Variants in PIBF1 observed in about 807,000 individuals in gnomAD.
PIBF1 encodes progesterone immunomodulatory binding factor 1.
Under a neutral mutation model 112.5 loss-of-function variants are expected in PIBF1, and 90 were observed. The ratio of observed to expected loss-of-function variants is 0.80; its 90% CI spans 0.67 to 0.95. PIBF1 has a LOEUF of 0.95. Ranked by LOEUF, PIBF1 falls within the 40% of genes least tolerant of loss-of-function variation. The pLI is 0.00. For synonymous variants in PIBF1, 301 were observed against 288.6 expected, an observed-to-expected ratio of 1.04 and a Z score of -0.44; for missense variants, 915 against 852.3, an observed-to-expected ratio of 1.07 and a Z score of -0.92.
chr13:72,867,747 A>G (rs2038986743), intron 10 of PIBF1, among the ~76,000 whole-genome samples: 1 of 152,220 alleles, frequency 6.6e-6, no homozygotes, highest in Non-Finnish European at 1.5e-5. Flanking sequence ...ACTCCAAGGT[A>G]GTGTGTTTTC....
chr13:72,788,886 A>C (rs1241267133), intron 2 of PIBF1, among the ~76,000 whole-genome samples: 2 of 152,224 alleles, frequency 1.3e-5, no homozygotes, highest in Non-Finnish European at 2.9e-5. Flanking sequence ...TGGCACCAAT[A>C]CAAATGGTTA....
In PIBF1 at chr13:72,850,317, TA is replaced by T. The variant is rs2038076365; in HGVS notation, c.1224-3734del. Among the ~76,000 whole-genome samples the T allele has an allele frequency of 2.0e-5, 3 of 152,206 alleles. No individual in the cohort carries two copies. The South Asian group carries it at 6.2e-4, about 32-fold the overall frequency. On this transcript the variant is annotated intron_variant, in intron 9 of 17. Transcript: ENST00000326291. ...CAAGACCCAACTTACATGTCACTTT[TA>T]AAAAATGTTTCACTTTATTCACCTA...
chr13:72,844,785 A>G (rs889489666), intron 9 of PIBF1, among the ~76,000 whole-genome samples: 15 of 125,092 alleles, frequency 1.2e-4, no homozygotes, highest in African/African-American at 3.9e-4. Flanking sequence ...ACACACACAC[A>G]CACACACACA....
chr13:72,973,575 G>A lies in PIBF1; in HGVS notation c.1965-16G>A, dbSNP rs775898759. Reference sequence around the variant, plus strand: ...CTAACATAATGACTTTTTAAAACTGGGGTTTTTTTTTTCAGCAACTTAAAT... The same window carrying A: ...CTAACATAATGACTTTTTAAAACTGAGGTTTTTTTTTTCAGCAACTTAAAT... On this transcript the variant is annotated splice_polypyrimidine_tract_variant and intron_variant, in intron 15 of 17. Coordinates refer to ENST00000326291, the MANE Select transcript of PIBF1 (RefSeq NM_006346.4). The A allele has an allele frequency of 1.4e-6, 2 of 1,380,030 alleles. No individual in the cohort carries two copies. The highest frequency in any genetic ancestry group is 1.0e-6 in the Non-Finnish European group (1 of 996,188). 85.5% of individuals were successfully genotyped at this position (1,380,030 alleles called of 1,614,324 possible). A position where few individuals can be genotyped will look rare whatever the true frequency, so the allele number is the denominator to read the frequency against.
At chr13:73,001,046 C>A (rs1055579484) in intron 17 of PIBF1, among the ~76,000 whole-genome samples, 1 of 152,038 alleles carries the variant, frequency 6.6e-6, no homozygotes, top group Admixed American at 6.6e-5. Context: ...ATACTACAAA[C>A]AAGTCAAATC....
At chr13:72,884,471 G>C (rs915863049) in intron 10 of PIBF1, 3 of 152,104 alleles carry the variant, frequency 2.0e-5, no homozygotes, top group African/African-American at 7.2e-5. Context: ...TCTGCAAGGG[G>C]AGGACATAAG....
At chr13:72,848,403 A>G (rs958057594) in intron 9 of PIBF1, among the ~76,000 whole-genome samples, 2 of 152,186 alleles carry the variant, frequency 1.3e-5, no homozygotes, top group Non-Finnish European at 2.9e-5. Context: ...AATGTTTTAT[A>G]ATGAGGTTTT....
At chr13:73,012,008 A>C (rs2044218286) in intron 17 of PIBF1, among the ~76,000 whole-genome samples, 1 of 151,698 alleles carries the variant, frequency 6.6e-6, no homozygotes, top group South Asian at 2.1e-4. Flanking sequence ...CTAAGAAAGA[A>C]CCCCCCCAAA....
chr13:72,836,433 A>G (rs1410154694), intron 9 of PIBF1, among the ~76,000 whole-genome samples: 1 of 152,182 alleles, frequency 6.6e-6, no homozygotes, highest in Non-Finnish European at 1.5e-5. Context: ...ATATAGTAGC[A>G]GAAAATTTGG....
chr13:72,799,551 T>A (rs2035368874), intron 5 of PIBF1, among the ~76,000 whole-genome samples: 1 of 152,196 alleles, frequency 6.6e-6, no homozygotes, highest in African/African-American at 2.4e-5. Flanking sequence ...TTTGCACATT[T>A]AGAAAGATAG....
intron 5 of PIBF1, among the ~76,000 whole-genome samples, chr13:72,807,178 CAAAAA>C (rs35154761): frequency 7.2e-6 from 1 of 138,510 alleles, no homozygotes; most frequent in Non-Finnish European, 1.5e-5. Context: ...GGATAAGAGC[CAAAAA>C]AAAAAAAGGA....
intron 13 of PIBF1, among the ~76,000 whole-genome samples, chr13:72,920,785 G>GTCTGGGCAACATAGTC (rs2041260221): frequency 6.6e-6 from 1 of 151,320 alleles, no homozygotes; most frequent in Non-Finnish European, 1.5e-5. Context: ...GCAACATAGA[G>GTCTGGGCAACATAGTC]AGACTCCCAT....
At chr13:72,823,590 A>T (rs2138135463) in intron 6 of PIBF1, among the ~76,000 whole-genome samples, 1 of 152,318 alleles carries the variant, frequency 6.6e-6, no homozygotes, top group East Asian at 1.9e-4. Flanking sequence ...GTAAATTCTC[A>T]CAAATGTACA....
chr13:73,005,362 T>C (rs2043999862), intron 17 of PIBF1, among the ~76,000 whole-genome samples: 1 of 151,672 alleles, frequency 6.6e-6, no homozygotes, highest in South Asian at 2.1e-4. Context: ...GATGCTAAGC[T>C]ACTTGGGAGT....
At position 72,965,092 on chromosome 13, in the gene PIBF1, T is replaced by C. The variant is rs542364650; in HGVS notation, c.1834-182T>C. 3.3e-5 allele frequency among the ~76,000 whole-genome samples: 5 copies of C among 152,324 alleles called. No individual in the cohort carries two copies. In the South Asian group the frequency reaches 1.0e-3, roughly 32 times the overall value. On this transcript the variant is annotated intron_variant, in intron 14 of 17. Transcript: ENST00000326291. ...AGAAAACAAAAAAAATTATTGTTTA[T>C]AGTTGCTATTAAGAATAGCTATATT... is the stretch of plus-strand genomic sequence containing the variant.
chr13:72,863,452 C>G (rs1222736321), intron 10 of PIBF1, among the ~76,000 whole-genome samples: 2 of 151,640 alleles, frequency 1.3e-5, no homozygotes, highest in African/African-American at 4.8e-5. Flanking sequence ...GAGATTGAGA[C>G]CATCCTGGCT....
At chr13:72,795,630 A>G (rs368384868) in intron 4 of PIBF1, 73 bp downstream of exon 4, 4 of 932,524 alleles carry the variant, frequency 4.3e-6, no homozygotes, top group Non-Finnish European at 5.0e-6. Context: ...TATAGTAGCA[A>G]TTACTTTTGA....
At chr13:72,851,321 G>A (rs1456053169) in intron 9 of PIBF1, among the ~76,000 whole-genome samples, 6 of 152,220 alleles carry the variant, frequency 3.9e-5, no homozygotes, top group South Asian at 2.1e-4. Context: ...GCCTGTTCCC[G>A]CTGCCTGACC....
chr13:72,857,058 T>A (rs1039043721), intron 10 of PIBF1, among the ~76,000 whole-genome samples: 2 of 152,214 alleles, frequency 1.3e-5, no homozygotes, highest in Admixed American at 1.3e-4. Context: ...ATGCATTTAA[T>A]GTAAGCCAAA....
Sources: gnomAD v4.1 joint callset for allele counts (sites outside exome capture counted in the v4.1 genomes callset) on GRCh38, gnomAD v4.1.1 for gene constraint, MANE v1.5 for transcripts, NCBI Gene and HGNC (gene_info 2026-07-23, HGNC 2026-07-21) for gene names.